Variants in NEBL observed in about 807,000 individuals in gnomAD.
The protein encoded by NEBL is LIM and SH3 protein 2.
Under a neutral mutation model 140.2 loss-of-function variants are expected in NEBL, and 122 were observed. The observed-to-expected ratio is 0.87, with a 90% CI of 0.75 to 1.01. The LOEUF (loss-of-function observed/expected upper bound fraction) is 1.01. NEBL is among the 50% of genes least tolerant of loss of function. NEBL has a pLI of 0.00. For missense variants in NEBL, 1,365 were observed against 1,231.3 expected (o/e 1.11, Z -1.62); for synonymous variants, 436 against 398.9 (o/e 1.09, Z -1.11).
intron 2 of NEBL, among the ~76,000 whole-genome samples, chr10:21,151,177 A>G (rs1248671379): frequency 6.6e-6 from 1 of 152,208 alleles, no homozygotes; most frequent in African/African-American, 2.4e-5. Flanking sequence ...GGCCAAAATT[A>G]TATTCAGGAA....
chr10:20,802,993 C>CTTT (rs1355030666), intron 26 of NEBL, among the ~76,000 whole-genome samples: 6 of 152,064 alleles, frequency 3.9e-5, no homozygotes, highest in Non-Finnish European at 7.4e-5. Context: ...TAACCCGGAC[C>CTTT]AAGTCGTGAG....
chr10:21,248,213 G>T (rs1476020677), intron 2 of NEBL: 1 of 157,494 alleles, frequency 6.3e-6, no homozygotes, highest in Non-Finnish European at 1.4e-5. Context: ...TGGGACTACA[G>T]GCATATGCCA....
At chr10:20,910,691 TTC>T (rs1758777566) in intron 4 of NEBL, among the ~76,000 whole-genome samples, 1 of 152,194 alleles carries the variant, frequency 6.6e-6, no homozygotes. Flanking sequence ...ATCTTCCTAG[TTC>T]TAAGATTGTA....
chr10:21,199,935 T>C (rs1841707113), intron 3 of NEBL, among the ~76,000 whole-genome samples: 1 of 144,706 alleles, frequency 6.9e-6, no homozygotes, highest in African/African-American at 2.5e-5. Context: ...GGGGAGAGAC[T>C]GTACACTGTT....
chr10:20,851,163 T>A (rs540172351), intron 10 of NEBL, among the ~76,000 whole-genome samples: 101 of 152,302 alleles, frequency 6.6e-4, no homozygotes, highest in African/African-American at 2.3e-3. Context: ...ATGTAAGCCA[T>A]CACAATGGTT....
At chr10:21,220,603 A>T (rs910117362) in intron 3 of NEBL, among the ~76,000 whole-genome samples, 3 of 152,202 alleles carry the variant, frequency 2.0e-5, no homozygotes, top group African/African-American at 7.2e-5. Flanking sequence ...GATTTTCTGG[A>T]TGTTACCCCA....
chr10:20,910,587 G>C (rs866897727), intron 4 of NEBL, among the ~76,000 whole-genome samples: 10 of 152,142 alleles, frequency 6.6e-5, no homozygotes, highest in South Asian at 2.1e-4. Context: ...AGCATTGGAA[G>C]GGCCACATTT....
At chr10:20,993,739 A>T (rs1278258477) in intron 3 of NEBL, among the ~76,000 whole-genome samples, 2 of 152,234 alleles carry the variant, frequency 1.3e-5, no homozygotes, top group Non-Finnish European at 2.9e-5. Flanking sequence ...CTAATAGAAG[A>T]TCTACAGAGT....
At chr10:20,935,970 A>G (rs1446946689) in intron 4 of NEBL, among the ~76,000 whole-genome samples, 2 of 152,242 alleles carry the variant, frequency 1.3e-5, no homozygotes, top group Non-Finnish European at 2.9e-5. Context: ...GGTAATCAAA[A>G]TAACGTGCCT....
intron 9 of NEBL, among the ~76,000 whole-genome samples, chr10:20,854,919 G>GT (rs1255172095): frequency 7.9e-5 from 12 of 151,928 alleles, no homozygotes; most frequent in African/African-American, 2.4e-4. Context: ...CTCCTCTAAT[G>GT]TTTTTTTAAA....
In NEBL at chr10:20,846,310, T is replaced by A. The variant is rs192438160; in HGVS notation, c.1117-942A>T. On this transcript the variant is annotated intron_variant, in intron 11 of 27. Transcript: ENST00000377122. ...ATGATAAAAGTAAATAAATTCTGCA[T>A]GAAATTGTTATTCAGGCAAAAAGAG... Among the ~76,000 whole-genome samples, 647 of 152,304 alleles carry A rather than the reference T, an allele frequency of 4.2e-3. 7 individuals carry two copies. Among genetic ancestry groups the A allele is most frequent in the Non-Finnish European group, 1.4e-3 (98 of 68,018 alleles).
chr10:20,882,513 C>A (rs1846106038), intron 4 of NEBL, among the ~76,000 whole-genome samples: 1 of 152,148 alleles, frequency 6.6e-6, no homozygotes, highest in East Asian at 1.9e-4. Context: ...CTGTCTCACA[C>A]CTTTTTATCC....
At chr10:20,810,284 TGTTTGATTATA>T (rs1838008763) in intron 24 of NEBL, among the ~76,000 whole-genome samples, 1 of 152,098 alleles carries the variant, frequency 6.6e-6, no homozygotes, top group Non-Finnish European at 1.5e-5. Flanking sequence ...ACAAGCAAAA[TGTTTGATTATA>T]GTTTCTGATT....
Position 21,247,953 on chromosome 10 carries a change from C to T in NEBL, n.316G>A, listed in dbSNP as rs117095088. 597 of 231,790 alleles carry T rather than the reference C, an allele frequency of 2.6e-3. 2 individuals are homozygous for T. The highest frequency in any genetic ancestry group is 4.5e-3 in the Non-Finnish European group (456 of 101,664). 14.4% of individuals were successfully genotyped at this position (231,790 alleles called of 1,614,324 possible). On this transcript the variant is annotated non_coding_transcript_exon_variant, in exon 3 of 9. Transcript: ENST00000675702. Reference sequence around the variant, plus strand: ...ACAGCAATCAAATGCTCATGGACATCACCAGCAGAGAGGATACCCAAGATT... The same window carrying T: ...ACAGCAATCAAATGCTCATGGACATTACCAGCAGAGAGGATACCCAAGATT...
At chr10:21,074,642 T>C (rs1835980470) in intron 2 of NEBL, among the ~76,000 whole-genome samples, 1 of 151,962 alleles carries the variant, frequency 6.6e-6, no homozygotes, top group South Asian at 2.1e-4. Context: ...CAAGCTCGGC[T>C]AATTTTTTTG....
intron 3 of NEBL, among the ~76,000 whole-genome samples, chr10:20,999,780 G>A (rs1486247285): frequency 1.3e-5 from 2 of 152,130 alleles, no homozygotes; most frequent in Admixed American, 6.5e-5. Context: ...CGTGGAGGCT[G>A]TGAAGCCTGT....
intron 2 of NEBL, among the ~76,000 whole-genome samples, chr10:21,042,563 T>C (rs1834322304): frequency 6.6e-6 from 1 of 152,248 alleles, no homozygotes; most frequent in African/African-American, 2.4e-5. Flanking sequence ...ATCTCTTGTA[T>C]CTGTAAGGGA....
intron 2 of NEBL, among the ~76,000 whole-genome samples, chr10:21,054,562 G>A (rs1282667583): frequency 6.6e-6 from 1 of 152,134 alleles, no homozygotes; most frequent in Non-Finnish European, 1.5e-5. Context: ...TTTGAAATGT[G>A]AGAGATTTAA....
chr10:21,247,368 T>C (rs924000341), intron 3 of NEBL, among the ~76,000 whole-genome samples: 1 of 152,180 alleles, frequency 6.6e-6, no homozygotes, highest in African/African-American at 2.4e-5. Flanking sequence ...TTATTTACTG[T>C]ATGATTATTT....
Sources: allele counts gnomAD v4.1 joint callset (sites outside exome capture counted in the v4.1 genomes callset), GRCh38; gene constraint gnomAD v4.1.1; transcripts MANE v1.5; gene names NCBI Gene and HGNC (gene_info 2026-07-23, HGNC 2026-07-21).